ZNF484: variants seen among roughly 807,000 people sequenced by gnomAD.
ZNF484 encodes the protein KRAB box containing C2H2 type zinc finger bA526D8.4.
In ZNF484, 11 loss-of-function variants were observed where a neutral mutation model predicts 12.9. The observed-to-expected ratio is 0.85, with a 90% CI of 0.54 to 1.41. ZNF484 has a LOEUF of 1.41. Among genes scored for constraint, ZNF484 ranks in the 40% most tolerant of loss-of-function variants. The pLI, the probability that ZNF484 is intolerant of heterozygous loss-of-function variation, is 0.00. For missense variants in ZNF484, 807 were observed against 1,007.7 expected (o/e 0.80, Z 2.70); for synonymous variants, 289 against 334.1 (o/e 0.86, Z 1.47).
intron 2 of ZNF484, among the ~76,000 whole-genome samples, chr9:92,861,025 G>A (rs1856757055): frequency 6.6e-6 from 1 of 152,156 alleles, no homozygotes; most frequent in African/African-American, 2.4e-5. Flanking sequence ...ACTAGGGTGT[G>A]GGATACTGTC....
intron 4 of ZNF484, among the ~76,000 whole-genome samples, chr9:92,849,161 T>C (rs886902656): frequency 6.6e-6 from 1 of 151,488 alleles, no homozygotes; most frequent in Non-Finnish European, 1.5e-5. Context: ...CTCAGGAGGC[T>C]GAGGCAGGAG....
intron 2 of ZNF484, among the ~76,000 whole-genome samples, chr9:92,868,884 TTC>T (rs1857265314): frequency 6.6e-6 from 1 of 152,148 alleles, no homozygotes; most frequent in African/African-American, 2.4e-5. Context: ...TTTTTAAAAT[TTC>T]TTTTTATTTA....
intron 2 of ZNF484, among the ~76,000 whole-genome samples, chr9:92,860,408 C>T (rs572536574): frequency 2.6e-5 from 4 of 152,100 alleles, no homozygotes; most frequent in African/African-American, 7.2e-5. Context: ...CGAGACCATC[C>T]TGGCTAACAT....
chr9:92,849,175 C>T (rs1464506776), intron 4 of ZNF484, among the ~76,000 whole-genome samples: 1 of 151,326 alleles, frequency 6.6e-6, no homozygotes, highest in African/African-American at 2.4e-5. Flanking sequence ...GCAGGAGAAT[C>T]ACTTGAACCC....
rs1855487970 is a variant in ZNF484, at chr9:92,844,677, AC to A, written c.*1550del. Among the ~76,000 whole-genome samples, 1 of 152,248 alleles carries A rather than the reference AC, an allele frequency of 6.6e-6. No homozygotes were observed. ...AAATACTAATAGAAAACAACTTTCA[AC>A]TTAGAATTCTATATTCAGTAAAAGT... On this transcript the variant is annotated 3_prime_UTR_variant, in exon 5 of 5. Transcript: ENST00000375495.
intron 2 of ZNF484, among the ~76,000 whole-genome samples, chr9:92,874,310 CTTTTT>C (rs34348573): frequency 9.5e-5 from 13 of 137,534 alleles, no homozygotes; most frequent in African/African-American, 1.6e-4. Context: ...TTCTTTCTTT[CTTTTT>C]TTTTTTTTTT....
rs145560453 is a variant in ZNF484, at chr9:92,854,032, T to C, written c.235+1779A>G. Among the ~76,000 whole-genome samples, 568 of 152,150 alleles carry C rather than the reference T, an allele frequency of 3.7e-3. 1 individual carries two copies. Among genetic ancestry groups the C allele is most frequent in the African/African-American group, 0.013 (537 of 41,512 alleles). On this transcript the variant is annotated intron_variant, in intron 4 of 4. Transcript: ENST00000375495. ...GGTGGGGCTGGGCTAACTATTCCCTTATGTAGTTGGAATTTCCCAGCAACA... is the reference window on the plus strand; with the variant it reads ...GGTGGGGCTGGGCTAACTATTCCCTCATGTAGTTGGAATTTCCCAGCAACA...
At position 92,846,691 on chromosome 9, in the gene ZNF484, T is replaced by G. The variant is rs141882863; in HGVS notation, c.2096A>C (p.Lys699Thr). ...ERHYECSECG[K>T]AFARKSTLIM... is the part of the protein sequence containing the mutation. Reference sequence around the variant, plus strand: ...TAGTGTTGATTTTCTTGCAAAGGCTTTCCCACATTCACTGCACTCATAATG... The same window carrying G: ...TAGTGTTGATTTTCTTGCAAAGGCTGTCCCACATTCACTGCACTCATAATG... The change falls in exon 5 of 5, where the codon AAA becomes ACA. Residue 699 changes from lysine to threonine, a missense_variant. Lys to Thr is a moderately conservative substitution (Grantham distance 78). Coordinates refer to ENST00000375495, the MANE Select transcript of ZNF484 (RefSeq NM_031486.4). 545 of 1,614,124 alleles carry G rather than the reference T, an allele frequency of 3.4e-4. 2 individuals carry two copies. The African/African-American group carries it at 6.7e-3, about 20-fold the overall frequency.
In ZNF484 at chr9:92,846,032, CT is replaced by C. The variant is rs1436744178; in HGVS notation, c.*195del. The C allele has an allele frequency of 1.5e-5, 9 of 597,690 alleles. 1 individual carries two copies. Among genetic ancestry groups the C allele is most frequent in the Non-Finnish European group, 2.6e-5 (9 of 350,724 alleles). The allele number at this position is 597,690 out of a possible 1,614,324, so 37.0% of individuals were successfully genotyped here. A position where few individuals can be genotyped will look rare whatever the true frequency, so the allele number is the denominator to read the frequency against. On this transcript the variant is annotated 3_prime_UTR_variant, in exon 5 of 5. Coordinates refer to ENST00000375495, the MANE Select transcript of ZNF484 (RefSeq NM_031486.4). ...ACTCAACAGCCATGAATTTATAAAA[CT>C]GTTTGCCCAAAAAGTGAAACAAGAA...
At chr9:92,864,333 T>C (rs142734840) in intron 2 of ZNF484, among the ~76,000 whole-genome samples, 18 of 152,194 alleles carry the variant, frequency 1.2e-4, no homozygotes, top group African/African-American at 4.1e-4. Context: ...AACCTCACCA[T>C]GCTGCTGGCC....
intron 1 of ZNF484, among the ~76,000 whole-genome samples, chr9:92,877,401 G>A (rs1433261572): frequency 6.6e-6 from 1 of 151,962 alleles, no homozygotes; most frequent in South Asian, 2.1e-4. Flanking sequence ...TATAATAACC[G>A]TAATGATAAA....
rs1329702121 is a variant in ZNF484, at chr9:92,846,111, A to C, written c.*117T>G. On this transcript the variant is annotated 3_prime_UTR_variant, in exon 5 of 5. Coordinates refer to ENST00000375495, the MANE Select transcript of ZNF484 (RefSeq NM_031486.4). ...TACTATTATTTGCAGGAGCTTGACA[A>C]CACCAATATCAAGTAACCAAAGATG... is the stretch of plus-strand genomic sequence containing the variant. The C allele has an allele frequency of 2.0e-6, 2 of 1,023,072 alleles. No homozygotes were observed. The highest frequency in any genetic ancestry group is 2.9e-6 in the Non-Finnish European group (2 of 700,638). 63.4% of individuals were successfully genotyped at this position (1,023,072 alleles called of 1,614,324 possible).
intron 2 of ZNF484, among the ~76,000 whole-genome samples, chr9:92,871,661 A>T (rs1374877913): frequency 1.3e-5 from 2 of 152,244 alleles, no homozygotes; most frequent in Non-Finnish European, 2.9e-5. Flanking sequence ...AATACAGACA[A>T]AGAAAGAATG....
rs769024664 is a variant in ZNF484 at position 92,848,259 on chromosome 9, ATGGGGTCTTTT to A, written c.517_527del (p.Lys173Ter). The A allele has an allele frequency of 1.7e-5, 28 of 1,614,052 alleles. No individual in the cohort carries two copies. In the South Asian group the frequency reaches 3.0e-4, roughly 17 times the overall value. Reference sequence around the variant, plus strand: ...AATTCTTTCCACACGAGTTACAGTTATGGGGTCTTTTTCTTGAGGAAACCAGGTGTGTGTTT... The same window carrying A: ...AATTCTTTCCACACGAGTTACAGTTATCTTGAGGAAACCAGGTGTGTGTTT... On this transcript the variant is annotated frameshift_variant, in exon 5 of 5. Coordinates refer to ENST00000375495, the MANE Select transcript of ZNF484 (RefSeq NM_031486.4). LOFTEE classifies it low-confidence loss of function (END_TRUNC). This position sits in a 1 kb window ranked among gnomAD's most constrained non-coding sequence, Gnocchi z 4.1.
intron 2 of ZNF484, among the ~76,000 whole-genome samples, chr9:92,865,738 C>G (rs1857030783): frequency 6.6e-6 from 1 of 151,946 alleles, no homozygotes; most frequent in African/African-American, 2.4e-5. Context: ...AAGACGCCGT[C>G]TCTACAAAAA....
chr9:92,848,934 TAA>T lies in ZNF484; in HGVS notation c.236-385_236-384del, dbSNP rs1855882990. Among the ~76,000 whole-genome samples the T allele has an allele frequency of 6.8e-6, 1 of 148,084 alleles. No individual in the cohort carries two copies. The highest frequency in any genetic ancestry group is 2.5e-5 in the African/African-American group (1 of 40,128). ...CAAAATAAATAAATAAATAAATAAA[TAA>T]ATAAATAAATAAATAAATAAAAATA... is the stretch of plus-strand genomic sequence containing the variant. On this transcript the variant is annotated intron_variant, in intron 4 of 4. Transcript: ENST00000375495. The surrounding 1 kb of genome is among the most constrained non-coding windows in gnomAD (Gnocchi z 4.1).
chr9:92,852,528 CCT>C (rs1856162220), intron 4 of ZNF484, among the ~76,000 whole-genome samples: 1 of 118,072 alleles, frequency 8.5e-6, no homozygotes. Flanking sequence ...CCACGCCCAG[CCT>C]TTTTTTTTTT....
rs1857416755 is a variant in ZNF484 at position 92,871,311 on chromosome 9, G to A, written c.15+3704C>T. On this transcript the variant is annotated intron_variant, in intron 2 of 4. Coordinates refer to ENST00000375495, the MANE Select transcript of ZNF484 (RefSeq NM_031486.4). ...AAAAACTCAATAGATGGGCTCAAAAGAATGGAGGCAACAGAAGAAATATTC... is the reference window on the plus strand; with the variant it reads ...AAAAACTCAATAGATGGGCTCAAAAAAATGGAGGCAACAGAAGAAATATTC... Among the ~76,000 whole-genome samples the A allele has an allele frequency of 2.0e-5, 3 of 152,036 alleles. No homozygotes were observed. The South Asian group carries it at 6.2e-4, about 31-fold the overall frequency.
At position 92,844,943 on chromosome 9, in the gene ZNF484, C is replaced by A. The variant is rs1855499186; in HGVS notation, c.*1285G>T. 1 of 151,926 alleles carries A rather than the reference C, an allele frequency of 6.6e-6. No individual in the cohort carries two copies. Among genetic ancestry groups the A allele is most frequent in the South Asian group, 2.1e-4 (1 of 4,816 alleles). The allele number at this position is 151,926 out of a possible 1,614,324, so 9.4% of individuals were successfully genotyped here. On this transcript the variant is annotated 3_prime_UTR_variant, in exon 5 of 5. Coordinates refer to ENST00000375495, the MANE Select transcript of ZNF484 (RefSeq NM_031486.4). Reference sequence around the variant, plus strand: ...TGGCTATGTTCACCATGTACAGAATCCAAATATACAAAATTAATACCATAT... The same window carrying A: ...TGGCTATGTTCACCATGTACAGAATACAAATATACAAAATTAATACCATAT...
Sources: gnomAD v4.1 joint callset for allele counts (sites outside exome capture counted in the v4.1 genomes callset) on GRCh38, gnomAD v4.1.1 for gene constraint, Gnocchi (gnomAD v3.1) non-coding constraint, MANE v1.5 for transcripts, NCBI Gene and HGNC (gene_info 2026-07-23, HGNC 2026-07-21) for gene names.